The following GRIK1 variants were observed in gnomAD, a reference collection of about 807,000 sequenced individuals.
GRIK1 encodes glutamate ionotropic receptor kainate type subunit 1.
Under a neutral mutation model 105.7 loss-of-function variants are expected in GRIK1, and 69 were observed. The ratio of observed to expected loss-of-function variants is 0.65; its 90% CI spans 0.54 to 0.80. The LOEUF (loss-of-function observed/expected upper bound fraction) is 0.80, where lower values mean the gene tolerates loss of function less well. Among genes scored for constraint, GRIK1 ranks in the 30% least tolerant of loss-of-function variants. The pLI is 0.00. For synonymous variants in GRIK1, 438 were observed against 431.3 expected (o/e 1.02, Z -0.19); for missense variants, 1,109 against 1,167.3 (o/e 0.95, Z 0.73).
intron 1 of GRIK1, among the ~76,000 whole-genome samples, chr21:29,861,292 A>G (rs780633053): frequency 2.2e-5 from 3 of 137,750 alleles, no homozygotes; most frequent in African/African-American, 8.0e-5. Flanking sequence ...TGATAACTGT[A>G]GCTTTTTGTA....
At chr21:29,890,190 A>G (rs1198730905) in intron 1 of GRIK1, among the ~76,000 whole-genome samples, 1 of 152,198 alleles carries the variant, frequency 6.6e-6, no homozygotes, top group Non-Finnish European at 1.5e-5. Context: ...CCTACACACC[A>G]TAGGCTCTAG....
At chr21:29,701,315 T>C (rs563926613) in intron 1 of GRIK1, among the ~76,000 whole-genome samples, 1 of 152,260 alleles carries the variant, frequency 6.6e-6, no homozygotes, top group South Asian at 2.1e-4. Flanking sequence ...AAGTGCTTAC[T>C]GGGAGGGCAC....
intron 1 of GRIK1, among the ~76,000 whole-genome samples, chr21:29,835,250 A>G (rs549845569): frequency 6.6e-6 from 1 of 152,206 alleles, no homozygotes; most frequent in Non-Finnish European, 1.5e-5. Context: ...AGCACCCAGC[A>G]GCATCCCCTG....
intron 1 of GRIK1, among the ~76,000 whole-genome samples, chr21:29,904,726 T>A (rs1468062560): frequency 6.6e-6 from 1 of 152,176 alleles, no homozygotes; most frequent in African/African-American, 2.4e-5. Context: ...GGCAGAGCTA[T>A]GGAAAGCACC....
At chr21:29,886,862 TA>T (rs1421083089) in intron 1 of GRIK1, among the ~76,000 whole-genome samples, 1 of 152,122 alleles carries the variant, frequency 6.6e-6, no homozygotes, top group East Asian at 1.9e-4. Flanking sequence ...AAATGGCAAC[TA>T]AGCCTTTTTC....
intron 1 of GRIK1, among the ~76,000 whole-genome samples, chr21:29,733,214 A>G (rs2064685775): frequency 6.6e-6 from 1 of 152,192 alleles, no homozygotes; most frequent in Non-Finnish European, 1.5e-5. Flanking sequence ...ATACCAACAT[A>G]GGAGAGCCTT....
chr21:29,906,480 G>GT (rs1391102996), intron 1 of GRIK1, among the ~76,000 whole-genome samples: 3 of 152,042 alleles, frequency 2.0e-5, no homozygotes, highest in Non-Finnish European at 4.4e-5. Flanking sequence ...GTATTTAATT[G>GT]TTTTTTAAGG....
chr21:29,736,537 T>C (rs948013398), intron 1 of GRIK1, among the ~76,000 whole-genome samples: 1 of 151,998 alleles, frequency 6.6e-6, no homozygotes, highest in Admixed American at 6.5e-5. Flanking sequence ...TCCTGAAAAT[T>C]AGTATTATTA....
chr21:29,933,401 C>T (rs946947529), intron 1 of GRIK1, among the ~76,000 whole-genome samples: 2 of 152,076 alleles, frequency 1.3e-5, no homozygotes, highest in African/African-American at 2.4e-5. Context: ...TTAATAGCTA[C>T]GATTCAAATA....
At chr21:29,894,349 C>A (rs1221519827) in intron 1 of GRIK1, among the ~76,000 whole-genome samples, 1 of 152,126 alleles carries the variant, frequency 6.6e-6, no homozygotes, top group African/African-American at 2.4e-5. Flanking sequence ...CCAAGAGCCC[C>A]TGGAAAACCA....
chr21:29,606,704 CA>C (rs1230965576), intron 7 of GRIK1, among the ~76,000 whole-genome samples: 15 of 151,530 alleles, frequency 9.9e-5, no homozygotes, highest in African/African-American at 3.2e-4. Flanking sequence ...ACAAAAAAAA[CA>C]AAAAAACCCA....
rs773068991 is a variant in GRIK1 at position 29,555,050 on chromosome 21, AC to A, written c.2607+1del. On this transcript the variant is annotated splice_donor_variant, in intron 16 of 17. Transcript: ENST00000327783. LOFTEE classifies it high-confidence loss of function. The stretch of plus-strand genomic sequence containing the variant: ...AACCAGTCCTAGAAAGAGATGACTC[AC>A]CTGTTCAATATCATTATTCTTCCGT... 6.2e-7 allele frequency: 1 copy of A among 1,606,708 alleles called. No homozygotes were observed. The highest frequency in any genetic ancestry group is 8.5e-7 in the Non-Finnish European group (1 of 1,173,626).
intron 1 of GRIK1, among the ~76,000 whole-genome samples, chr21:29,826,834 T>C (rs1421946801): frequency 1.3e-5 from 2 of 152,074 alleles, no homozygotes; most frequent in Middle Eastern, 3.2e-3. Flanking sequence ...TAATTATTCC[T>C]CCAATCAGAG....
chr21:29,788,858 C>T (rs564004785), intron 1 of GRIK1, among the ~76,000 whole-genome samples: 11 of 152,180 alleles, frequency 7.2e-5, no homozygotes, highest in African/African-American at 2.4e-4. Context: ...AATCTAATCC[C>T]GCTGCTGATC....
chr21:29,932,592 AT>A (rs1334817768), intron 1 of GRIK1, among the ~76,000 whole-genome samples: 3 of 152,168 alleles, frequency 2.0e-5, no homozygotes, highest in African/African-American at 7.2e-5. Context: ...TAATTTAATT[AT>A]TTTAAATAAA....
intron 1 of GRIK1, among the ~76,000 whole-genome samples, chr21:29,806,550 C>T (rs964274328): frequency 6.6e-6 from 1 of 152,030 alleles, no homozygotes; most frequent in Non-Finnish European, 1.5e-5. Flanking sequence ...TAGGTAATTC[C>T]ATATTATTTA....
intron 14 of GRIK1, 77 bp downstream of exon 14, chr21:29,576,887 T>C (rs2090908189): frequency 8.5e-6 from 7 of 819,908 alleles, no homozygotes; most frequent in African/African-American, 1.7e-5. Flanking sequence ...TTCTTTTTCT[T>C]TTTTTTTTCG....
At position 29,778,467 on chromosome 21, in the gene GRIK1, G is replaced by T. The variant is rs576162745; in HGVS notation, c.119-84404C>A. Among the ~76,000 whole-genome samples the T allele has an allele frequency of 3.1e-3, 470 of 152,322 alleles. 1 individual carries two copies. Among genetic ancestry groups the T allele is most frequent in the Non-Finnish European group, 5.6e-3 (382 of 68,022 alleles). ...GAGCAGTTTATTGTTTCGTGTGTAT[G>T]CTGGGACTCCTTCATGAAAGATGTT... On this transcript the variant is annotated intron_variant, in intron 1 of 17. Transcript: ENST00000327783.
chr21:29,905,728 G>A (rs1305622637), intron 1 of GRIK1, among the ~76,000 whole-genome samples: 1 of 133,754 alleles, frequency 7.5e-6, no homozygotes, highest in African/African-American at 3.0e-5. Context: ...CCAGGTTCAC[G>A]CCATTCTCCT....
Sources: gnomAD v4.1 joint callset for allele counts (sites outside exome capture counted in the v4.1 genomes callset) on GRCh38, gnomAD v4.1.1 for gene constraint, MANE v1.5 for transcripts, NCBI Gene and HGNC (gene_info 2026-07-23, HGNC 2026-07-21) for gene names.